The following COL26A1 variants were observed in gnomAD, a reference collection of about 807,000 sequenced individuals.
The protein encoded by COL26A1 is collagen type XXVI alpha 1 chain.
COL26A1 carries 41 observed loss-of-function variants against 59.3 expected under a neutral mutation model. The observed-to-expected ratio is 0.69, with a 90% confidence interval of 0.54 to 0.90. The LOEUF (loss-of-function observed/expected upper bound fraction) is 0.90, where lower values mean the gene tolerates loss of function less well. Ranked by LOEUF, COL26A1 falls within the 40% of genes least tolerant of loss-of-function variation. The probability of loss-of-function intolerance (pLI) is 0.00; values close to 1 mark genes in which losing one functional copy is unlikely to be tolerated. For synonymous variants in COL26A1, 266 were observed against 256.0 expected, an observed-to-expected ratio of 1.04 and a Z score of -0.37; for missense variants, 612 against 602.3, an observed-to-expected ratio of 1.02 and a Z score of -0.17.
intron 1 of COL26A1, among the ~76,000 whole-genome samples, chr7:101,369,275 C>A (rs1030409743): frequency 6.6e-6 from 1 of 151,562 alleles, no homozygotes; most frequent in Non-Finnish European, 1.5e-5. Context: ...GGCATGGTGG[C>A]GCATGCCTGT....
chr7:101,430,281 TTCTC>T (rs771007332), intron 2 of COL26A1, among the ~76,000 whole-genome samples: 2 of 152,084 alleles, frequency 1.3e-5, no homozygotes, highest in Admixed American at 6.6e-5. Context: ...CTTTCTCTCT[TTCTC>T]TCTTTCTTTC....
At position 101,424,697 on chromosome 7, in the gene COL26A1, T is replaced by G. The variant is rs542200891; in HGVS notation, c.281+4598T>G. Among the ~76,000 whole-genome samples the G allele has an allele frequency of 2.0e-5, 3 of 152,302 alleles. No individual in the cohort carries two copies. In the South Asian group the frequency reaches 6.2e-4, roughly 32 times the overall value. The stretch of plus-strand genomic sequence containing the variant: ...GCTAGAATTGGGTGCACACCCTCTG[T>G]CTGTGGCCTTGGGGCTGCTGTCTGG... On this transcript the variant is annotated intron_variant, in intron 2 of 12. Transcript: ENST00000313669.
At chr7:101,438,744 C>T (rs1363289520) in intron 2 of COL26A1, among the ~76,000 whole-genome samples, 1 of 151,494 alleles carries the variant, frequency 6.6e-6, no homozygotes, top group Non-Finnish European at 1.5e-5. Context: ...GATCTCAGCT[C>T]ACTGTAACTT....
intron 1 of COL26A1, among the ~76,000 whole-genome samples, chr7:101,364,372 ACT>A (rs201137234): frequency 0.023 from 3,485 of 151,314 alleles, 144 homozygotes; most frequent in African/African-American, 0.079. Context: ...CAGAATCTCA[ACT>A]CTGTTGCCCA....
chr7:101,489,863 T>C (rs530675174), intron 3 of COL26A1, among the ~76,000 whole-genome samples: 31 of 58,610 alleles, frequency 5.3e-4, no homozygotes, highest in East Asian at 7.0e-4. Flanking sequence ...TCTTTCTTTC[T>C]TTCTTTCTTT....
chr7:101,509,740 T>A (rs1794883114), intron 3 of COL26A1, among the ~76,000 whole-genome samples: 1 of 152,098 alleles, frequency 6.6e-6, no homozygotes, highest in African/African-American at 2.4e-5. Flanking sequence ...CTCTTTTATT[T>A]TTTTTTTGAC....
intron 5 of COL26A1, among the ~76,000 whole-genome samples, chr7:101,542,589 T>C (rs1279382509): frequency 1.3e-5 from 2 of 152,194 alleles, no homozygotes; most frequent in Non-Finnish European, 1.5e-5. Context: ...CTCTGCCCTC[T>C]GTTCTGAGTG....
At chr7:101,408,035 A>C (rs1362564339) in intron 1 of COL26A1, among the ~76,000 whole-genome samples, 1 of 152,172 alleles carries the variant, frequency 6.6e-6, no homozygotes, top group Non-Finnish European at 1.5e-5. Flanking sequence ...GCTGCTGTGC[A>C]CTGCTGCTTT....
In COL26A1 at chr7:101,557,709, C is replaced by A; in HGVS notation, c.*179C>A. On this transcript the variant is annotated 3_prime_UTR_variant, in exon 13 of 13. Coordinates refer to ENST00000313669, the MANE Select transcript of COL26A1 (RefSeq NM_001278563.3). ...CAGGGGCAGGGTCTGGAGGGGCCAA[C>A]ACCCTCATCAGAGCCCTCCTCTGGC... The A allele has an allele frequency of 1.6e-6, 1 of 615,806 alleles. No individual in the cohort carries two copies. The highest frequency in any genetic ancestry group is 2.7e-6 in the Non-Finnish European group (1 of 368,138). The allele number at this position is 615,806 out of a possible 1,614,324, so 38.1% of individuals were successfully genotyped here.
intron 1 of COL26A1, among the ~76,000 whole-genome samples, chr7:101,376,862 CTTTA>C (rs372175634): frequency 5.3e-5 from 8 of 151,934 alleles, no homozygotes; most frequent in Non-Finnish European, 7.4e-5. Flanking sequence ...ATTTTATTTT[CTTTA>C]TTTATTTTTT....
At chr7:101,371,823 C>T (rs761653530) in intron 1 of COL26A1, among the ~76,000 whole-genome samples, 1 of 151,986 alleles carries the variant, frequency 6.6e-6, no homozygotes, top group Admixed American at 6.6e-5. Context: ...ACCCAGCCTC[C>T]GTCCTTGATG....
chr7:101,546,247 T>G (rs1311845651), intron 7 of COL26A1, among the ~76,000 whole-genome samples: 1 of 152,076 alleles, frequency 6.6e-6, no homozygotes, highest in African/African-American at 2.4e-5. Flanking sequence ...GATTTTTACT[T>G]TAATTTTTTT....
chr7:101,515,108 C>T (rs922168947), intron 3 of COL26A1, among the ~76,000 whole-genome samples: 4 of 152,192 alleles, frequency 2.6e-5, no homozygotes, highest in Non-Finnish European at 4.4e-5. Flanking sequence ...CTGGTTGCTC[C>T]AGACCAGTGT....
chr7:101,427,085 G>T (rs1257987427), intron 2 of COL26A1, among the ~76,000 whole-genome samples: 1 of 152,174 alleles, frequency 6.6e-6, no homozygotes. Context: ...AAGAGAGGGA[G>T]CCTCACTCTG....
chr7:101,382,025 A>C (rs1319345598), intron 1 of COL26A1, among the ~76,000 whole-genome samples: 1 of 152,038 alleles, frequency 6.6e-6, no homozygotes, highest in African/African-American at 2.4e-5. Flanking sequence ...TGGATTTTCC[A>C]TTTGTTTTTT....
At chr7:101,539,755 A>T (rs900934476) in intron 4 of COL26A1, 138 bp from the exon 5 acceptor site, 21 of 847,832 alleles carry the variant, frequency 2.5e-5, no homozygotes, top group Non-Finnish European at 1.6e-5. Flanking sequence ...AGGTTCTCCC[A>T]CTAAGGAGCG....
At chr7:101,488,349 A>ATATATAT (rs1794311937) in intron 3 of COL26A1, among the ~76,000 whole-genome samples, 1 of 104,988 alleles carries the variant, frequency 9.5e-6, no homozygotes, top group Admixed American at 9.4e-5. Flanking sequence ...AATTTTATTT[A>ATATATAT]ATATATATAT....
chr7:101,450,316 G>A (rs1190865124), intron 3 of COL26A1, among the ~76,000 whole-genome samples: 1 of 152,114 alleles, frequency 6.6e-6, no homozygotes, highest in Non-Finnish European at 1.5e-5. Context: ...GCTCATCTGA[G>A]CCAGAGATTT....
chr7:101,363,222 TG>T (rs755061020), intron 1 of COL26A1, 32 bp downstream of exon 1: 53 of 356,608 alleles, frequency 1.5e-4, no homozygotes, highest in Admixed American at 2.1e-4. Flanking sequence ...GGCCGGGGGG[TG>T]GGGGGAGGGA....
Sources: allele counts gnomAD v4.1 joint callset (sites outside exome capture counted in the v4.1 genomes callset), GRCh38; gene constraint gnomAD v4.1.1; transcripts MANE v1.5; gene names NCBI Gene and HGNC (gene_info 2026-07-23, HGNC 2026-07-21).